Variants in STXBP5 observed in about 807,000 individuals in gnomAD.
STXBP5 encodes syntaxin binding protein 5.
Under a neutral mutation model 152.4 loss-of-function variants are expected in STXBP5, and 50 were observed. That is an observed-to-expected ratio of 0.33 (90% CI 0.26 to 0.42). STXBP5 has a LOEUF of 0.42. Among genes scored for constraint, STXBP5 ranks in the 10% least tolerant of loss-of-function variants. The pLI is 1.00. For synonymous variants in STXBP5, 492 were observed against 494.7 expected (o/e 0.99, Z 0.07); for missense variants, 1,167 against 1,388.6 (o/e 0.84, Z 2.54).
chr6:147,267,236 A>G, intron 7 of STXBP5, 69 bp downstream of exon 7: 1 of 1,346,572 alleles, frequency 7.4e-7, no homozygotes, highest in Non-Finnish European at 1.0e-6. Flanking sequence ...CTAAAAACTT[A>G]ATTGGTAATT....
chr6:147,307,402 CT>C (rs1405857859), intron 9 of STXBP5, among the ~76,000 whole-genome samples: 1 of 152,056 alleles, frequency 6.6e-6, no homozygotes, highest in Non-Finnish European at 1.5e-5. Flanking sequence ...TATTCTTCAC[CT>C]TTGTAATTCA....
intron 6 of STXBP5, among the ~76,000 whole-genome samples, chr6:147,266,855 CAA>C (rs1286675916): frequency 1.3e-5 from 2 of 151,990 alleles, no homozygotes; most frequent in African/African-American, 4.8e-5. Context: ...TTTTTGTTTT[CAA>C]AAGTCAGTTG....
chr6:147,340,983 G>A (rs1011177047), intron 21 of STXBP5, among the ~76,000 whole-genome samples: 2 of 151,970 alleles, frequency 1.3e-5, no homozygotes, highest in African/African-American at 4.8e-5. Flanking sequence ...ACTTCATTCA[G>A]CTTTTCAAAA....
intron 22 of STXBP5, among the ~76,000 whole-genome samples, chr6:147,357,709 G>T (rs1784875845): frequency 6.6e-6 from 1 of 152,066 alleles, no homozygotes; most frequent in Non-Finnish European, 1.5e-5. Flanking sequence ...ATACCTTAGG[G>T]CTTGGCATGC....
chr6:147,365,701 C>T (rs1209028887), intron 25 of STXBP5, among the ~76,000 whole-genome samples: 2 of 152,044 alleles, frequency 1.3e-5, no homozygotes, highest in Non-Finnish European at 2.9e-5. Flanking sequence ...ATGTTATTTA[C>T]CTTTGTATTT....
intron 25 of STXBP5, among the ~76,000 whole-genome samples, chr6:147,373,033 A>G (rs542539544): frequency 2.6e-5 from 4 of 152,272 alleles, no homozygotes; most frequent in African/African-American, 4.8e-5. Flanking sequence ...AAAACTACAT[A>G]TCATCATTAT....
intron 13 of STXBP5, 122 bp downstream of exon 13, chr6:147,314,453 A>C (rs1782540472): frequency 7.7e-6 from 10 of 1,295,508 alleles, no homozygotes; most frequent in Non-Finnish European, 1.1e-5. Flanking sequence ...TATAATAAGA[A>C]ATGTTATTCT....
chr6:147,221,570 A>G (rs968175799), intron 2 of STXBP5, among the ~76,000 whole-genome samples: 1 of 151,154 alleles, frequency 6.6e-6, no homozygotes, highest in African/African-American at 2.4e-5. Flanking sequence ...TCTGCACTTT[A>G]AATGTTTTAT....
chr6:147,226,041 G>A lies in STXBP5; in HGVS notation c.249-9209G>A, dbSNP rs148764107. ...AAGAAGATATGACTGGAGCGGACAT[G>A]GTGGCTCATGCATGTAATCTCAGCA... On this transcript the variant is annotated intron_variant, in intron 2 of 27. Transcript: ENST00000321680. Among the ~76,000 whole-genome samples, 278 of 152,234 alleles carry A rather than the reference G, an allele frequency of 1.8e-3. 1 individual carries two copies. The highest frequency in any genetic ancestry group is 5.9e-3 in the African/African-American group (247 of 41,542).
At chr6:147,292,380 C>A in intron 9 of STXBP5, 1 of 338,258 alleles carries the variant, frequency 3.0e-6, no homozygotes, top group Non-Finnish European at 5.7e-6. Context: ...GCATAGTTAT[C>A]TGACTTCTTT....
At chr6:147,324,775 A>G (rs921406685) in intron 16 of STXBP5, among the ~76,000 whole-genome samples, 184 bp from the exon 17 acceptor site, 2 of 151,514 alleles carry the variant, frequency 1.3e-5, no homozygotes, top group African/African-American at 2.4e-5. Flanking sequence ...TAGAGTTTGC[A>G]TATGAGTTAT....
intron 26 of STXBP5, among the ~76,000 whole-genome samples, chr6:147,375,668 A>G (rs1343289715): frequency 1.3e-5 from 2 of 151,160 alleles, no homozygotes; most frequent in East Asian, 1.9e-4. Context: ...AAAACTTTTT[A>G]GAATTGATAC....
intron 9 of STXBP5, among the ~76,000 whole-genome samples, chr6:147,294,680 A>T (rs1781433157): frequency 6.6e-6 from 1 of 152,166 alleles, no homozygotes; most frequent in Non-Finnish European, 1.5e-5. Context: ...GTCCTTTTTG[A>T]TGTCAAAAAA....
chr6:147,258,949 C>T (rs1430703128), intron 4 of STXBP5, among the ~76,000 whole-genome samples: 3 of 152,030 alleles, frequency 2.0e-5, no homozygotes, highest in Admixed American at 2.0e-4. Flanking sequence ...ATGTTCAGAG[C>T]CATGACAATT....
chr6:147,346,883 T>A (rs983880088), intron 21 of STXBP5, among the ~76,000 whole-genome samples: 1 of 152,312 alleles, frequency 6.6e-6, no homozygotes, highest in Non-Finnish European at 1.5e-5. Context: ...TTTCCAGGAC[T>A]GTCATCCTTG....
intron 4 of STXBP5, among the ~76,000 whole-genome samples, chr6:147,244,212 G>T (rs1402813550): frequency 6.6e-6 from 1 of 152,168 alleles, no homozygotes; most frequent in Non-Finnish European, 1.5e-5. Context: ...TTATATAAGG[G>T]ACTTGAGCAT....
intron 18 of STXBP5, among the ~76,000 whole-genome samples, chr6:147,327,852 A>C (rs528040514): frequency 6.6e-6 from 1 of 152,224 alleles, no homozygotes; most frequent in East Asian, 1.9e-4. Context: ...TTATTATATA[A>C]AAAAAGTTAC....
intron 21 of STXBP5, among the ~76,000 whole-genome samples, chr6:147,349,132 A>G (rs531380241): frequency 1.3e-5 from 2 of 152,284 alleles, no homozygotes; most frequent in East Asian, 3.9e-4. Context: ...AATTAAGAGG[A>G]TACATATTTA....
At chr6:147,211,762 G>A (rs760473568) in intron 2 of STXBP5, among the ~76,000 whole-genome samples, 2 of 151,936 alleles carry the variant, frequency 1.3e-5, no homozygotes, top group Non-Finnish European at 2.9e-5. Flanking sequence ...TTTATTTTTG[G>A]CGGAGACAGA....
Sources: allele counts gnomAD v4.1 joint callset (sites outside exome capture counted in the v4.1 genomes callset), GRCh38; gene constraint gnomAD v4.1.1; transcripts MANE v1.5; gene names NCBI Gene and HGNC (gene_info 2026-07-23, HGNC 2026-07-21).